Variants in MRC1 observed in about 807,000 individuals in gnomAD.
The protein encoded by MRC1 is mannose receptor C-type 1, also known as macrophage mannose receptor 1.
MRC1 carries 62 observed loss-of-function variants against 102.9 expected under a neutral mutation model. The ratio of observed to expected loss-of-function variants is 0.60; its 90% CI spans 0.49 to 0.74. MRC1 has a LOEUF of 0.74. Among genes scored for constraint, MRC1 ranks in the 30% least tolerant of loss-of-function variants. MRC1 has a pLI of 0.00. For synonymous variants in MRC1, 457 were observed against 298.4 expected (o/e 1.53, Z -5.48); for missense variants, 1,237 against 862.8 (o/e 1.43, Z -5.43).
chr10:17,907,106 G>C (rs1355356863), intron 27 of MRC1, 107 bp downstream of exon 27: 1 of 710,918 alleles, frequency 1.4e-6, no homozygotes, highest in East Asian at 2.5e-5. Flanking sequence ...TAATTCATGA[G>C]GAATTTGAAA....
At chr10:17,826,531 T>TGAA (rs1268267730) in intron 2 of MRC1, among the ~76,000 whole-genome samples, 93,038 of 151,850 alleles carry the variant, frequency 0.61, 29,199 homozygotes, top group African/African-American at 0.75. Context: ...CAAAATGTAA[T>TGAA]GAATTCCTAC....
At chr10:17,840,114 G>T (rs1838728795) in intron 4 of MRC1, among the ~76,000 whole-genome samples, 1 of 146,056 alleles carries the variant, frequency 6.8e-6, no homozygotes. Context: ...AGTGTTTACC[G>T]CTGAAGAGCT....
At position 17,877,791 on chromosome 10, in the gene MRC1, C is replaced by T. The variant is rs1833457446; in HGVS notation, c.2551-109C>T. ...GTACTACATTTCTGCAGAAATTCCTCTCTAGATAAGGTTTCGATTAGGCTG... is the reference window on the plus strand; with the variant it reads ...GTACTACATTTCTGCAGAAATTCCTTTCTAGATAAGGTTTCGATTAGGCTG... On this transcript the variant is annotated intron_variant, in intron 17 of 29. Transcript: ENST00000569591. The T allele has an allele frequency of 2.0e-5, 16 of 811,514 alleles. No homozygotes were observed. In the South Asian group the frequency reaches 2.0e-4, roughly 10 times the overall value. The allele number at this position is 811,514 out of a possible 1,614,324, so 50.3% of individuals were successfully genotyped here. A position where few individuals can be genotyped will look rare whatever the true frequency, so the allele number is the denominator to read the frequency against.
chr10:17,882,581 A>G (rs1046093184), intron 21 of MRC1, among the ~76,000 whole-genome samples: 10 of 152,242 alleles, frequency 6.6e-5, no homozygotes, highest in African/African-American at 2.2e-4. Context: ...GAAGAAAAAC[A>G]TAGGAAATAA....
intron 8 of MRC1, 75 bp downstream of exon 8, chr10:17,853,199 TATGTTTGTTTA>T: frequency 1.3e-6 from 1 of 768,306 alleles, no homozygotes; most frequent in East Asian, 2.4e-5. Flanking sequence ...GTCAGTTACA[TATGTTTGTTTA>T]GATTGTTTTT....
chr10:17,810,879 A>G (rs1317639823), intron 1 of MRC1, among the ~76,000 whole-genome samples: 5 of 152,134 alleles, frequency 3.3e-5, no homozygotes, highest in Non-Finnish European at 7.4e-5. Context: ...TGCAACCTCT[A>G]CTTCCTGGGT....
At position 17,833,712 on chromosome 10, in the gene MRC1, G is replaced by C; in HGVS notation, c.675G>C (p.Leu225=). Residue 225 remains leucine, a synonymous_variant, in exon 4 of 30, where the codon CTG becomes CTC. Transcript: ENST00000569591. ...AAAGCTTATGGAATAAAGACCCGCT[G>C]ACCAGCGTTTCCTACCAGATAAACT... ...GSESLWNKDP[L]TSVSYQINSK... is the part of the protein sequence containing the mutation. 1 of 780,996 alleles carries C rather than the reference G, an allele frequency of 1.3e-6. No individual in the cohort carries two copies. The highest frequency in any genetic ancestry group is 1.7e-5 in the Admixed American group (1 of 59,026). 48.4% of individuals were successfully genotyped at this position (780,996 alleles called of 1,614,324 possible). A position where few individuals can be genotyped will look rare whatever the true frequency, so the allele number is the denominator to read the frequency against.
intron 21 of MRC1, among the ~76,000 whole-genome samples, chr10:17,882,377 G>T (rs1833532563): frequency 6.6e-6 from 1 of 151,808 alleles, no homozygotes; most frequent in African/African-American, 2.4e-5. Context: ...GGGGGCCATT[G>T]TTACAGAACA....
chr10:17,849,665 C>T lies in MRC1; in HGVS notation c.1150C>T (p.Gln384Ter). The stretch of plus-strand genomic sequence containing the variant: ...GATTCACAGAGATGAGAAAAAAATC[C>T]AGAGGGATGCTCTGACCACCTGCAG... ...YKIHRDEKKIQRDALTTCRKE... is the reference protein window; with the variant it reads ...YKIHRDEKKI Residue 384 changes from glutamine (Q) to a stop codon, truncating the protein, a stop_gained, in exon 7 of 30, where the codon CAG (glutamine) becomes TAG (stop). Coordinates refer to ENST00000569591, the MANE Select transcript of MRC1 (RefSeq NM_002438.4). LOFTEE classifies it high-confidence loss of function. The T allele has an allele frequency of 1.3e-6, 1 of 780,900 alleles. No individual in the cohort carries two copies. Among genetic ancestry groups the T allele is most frequent in the Non-Finnish European group, 2.4e-6 (1 of 418,076 alleles). 48.4% of individuals were successfully genotyped at this position (780,900 alleles called of 1,614,324 possible). A position where few individuals can be genotyped will look rare whatever the true frequency, so the allele number is the denominator to read the frequency against.
intron 7 of MRC1, among the ~76,000 whole-genome samples, chr10:17,851,893 A>G (rs1325891708): frequency 3.3e-5 from 5 of 152,234 alleles, no homozygotes; most frequent in Admixed American, 3.3e-4. Context: ...GAAGAGACTA[A>G]ACCGCTTAGG....
chr10:17,863,318 A>G (rs1419984583), intron 10 of MRC1, among the ~76,000 whole-genome samples: 2 of 152,204 alleles, frequency 1.3e-5, no homozygotes, highest in African/African-American at 2.4e-5. Flanking sequence ...ATGATTTTAT[A>G]TACTCAGCTA....
intron 9 of MRC1, among the ~76,000 whole-genome samples, chr10:17,856,881 G>C (rs1311326481): frequency 2.6e-5 from 4 of 152,244 alleles, no homozygotes; most frequent in African/African-American, 9.6e-5. Flanking sequence ...AGGAAATCCA[G>C]CCTCCAACTG....
chr10:17,823,933 A>C (rs910889931), intron 2 of MRC1, among the ~76,000 whole-genome samples: 12 of 152,208 alleles, frequency 7.9e-5, no homozygotes, highest in Admixed American at 3.9e-4. Context: ...ATCTCGGCAG[A>C]TCCCTTGGCG....
chr10:17,875,588 C>T (rs1169355649), intron 17 of MRC1, among the ~76,000 whole-genome samples: 5 of 152,162 alleles, frequency 3.3e-5, no homozygotes, highest in Non-Finnish European at 7.3e-5. Context: ...CTGCAAATGT[C>T]ATTATTTCAT....
At chr10:17,831,222 C>T (rs1193878916) in intron 3 of MRC1, among the ~76,000 whole-genome samples, 1 of 151,006 alleles carries the variant, frequency 6.6e-6, no homozygotes, top group Admixed American at 6.6e-5. Context: ...ACAAAACCTT[C>T]CTCCAGTTGT....
In MRC1 at chr10:17,870,917, T is replaced by C. The variant is rs1443502; in HGVS notation, c.2181T>C (p.Thr727=). 206,891 of 872,024 alleles carry C rather than the reference T, an allele frequency of 0.24. 28,419 individuals are homozygous for C. The highest frequency in any genetic ancestry group is 0.3 in the Non-Finnish European group (148,325 of 500,946). 54.0% of individuals were successfully genotyped at this position (872,024 alleles called of 1,614,324 possible). A position where few individuals can be genotyped will look rare whatever the true frequency, so the allele number is the denominator to read the frequency against. ...LTYGSPSEGF[T]WSDGSPVSYE... is the part of the protein sequence containing the mutation. ...ATGGAAGCCCTTCAGAAGGTTTTAC[T>C]TGGAGTGATGGTTCTCCTGTGAGTA... The change falls in exon 14 of 30, where the codon ACT becomes ACC. Residue 727 remains threonine (T), a synonymous_variant. Transcript: ENST00000569591.
At chr10:17,835,850 T>A (rs1054084101) in intron 4 of MRC1, among the ~76,000 whole-genome samples, 9 of 152,184 alleles carry the variant, frequency 5.9e-5, no homozygotes, top group Non-Finnish European at 1.3e-4. Flanking sequence ...GATCAGTAGG[T>A]GTGACACAGG....
In MRC1 at chr10:17,855,628, G is replaced by A. The variant is rs904993989; in HGVS notation, c.1408-614G>A. On this transcript the variant is annotated intron_variant, in intron 8 of 29. Transcript: ENST00000569591. The stretch of plus-strand genomic sequence containing the variant: ...TGCATGCAAACCTCTTGCGAGCACC[G>A]TCATCCAAGGACTTACAGACATTTT... Among the ~76,000 whole-genome samples the A allele has an allele frequency of 2.4e-4, 35 of 145,572 alleles. 1 individual carries two copies. The highest frequency in any genetic ancestry group is 8.8e-4 in the African/African-American group (35 of 39,816).
chr10:17,819,449 T>TTGTGTG (rs1435126761), intron 1 of MRC1, among the ~76,000 whole-genome samples: 15 of 98,968 alleles, frequency 1.5e-4, no homozygotes, highest in African/African-American at 6.9e-4. Flanking sequence ...GAATTCAGAG[T>TTGTGTG]TGTATGTGTG....
Sources: gnomAD v4.1 joint callset for allele counts (sites outside exome capture counted in the v4.1 genomes callset) on GRCh38, gnomAD v4.1.1 for gene constraint, MANE v1.5 for transcripts, NCBI Gene and HGNC (gene_info 2026-07-23, HGNC 2026-07-21) for gene names.